OXCT1: variants seen among roughly 807,000 people sequenced by gnomAD.
OXCT1 encodes the protein 3-oxoacid CoA-transferase 1, also known as succinyl-CoA:3-ketoacid coenzyme A transferase 1, mitochondrial.
In OXCT1, 27 loss-of-function variants were observed where a neutral mutation model predicts 69.6. That is an observed-to-expected ratio of 0.39 (90% CI 0.29 to 0.54). OXCT1 has a LOEUF of 0.54. Ranked by LOEUF, OXCT1 falls within the 20% of genes least tolerant of loss-of-function variation. The pLI, the probability that OXCT1 is intolerant of heterozygous loss-of-function variation, is 0.72. For missense variants in OXCT1, 437 were observed against 650.2 expected (o/e 0.67, Z 3.57); for synonymous variants, 202 against 217.8 (o/e 0.93, Z 0.64).
intron 13 of OXCT1, among the ~76,000 whole-genome samples, chr5:41,791,142 G>A (rs1745896238): frequency 6.6e-6 from 1 of 152,154 alleles, no homozygotes; most frequent in African/African-American, 2.4e-5. Context: ...ACTTGATTCT[G>A]AAGCTGCCCT....
At chr5:41,753,521 G>A (rs1743914256) in intron 14 of OXCT1, among the ~76,000 whole-genome samples, 1 of 151,944 alleles carries the variant, frequency 6.6e-6, no homozygotes, top group South Asian at 2.1e-4. Flanking sequence ...AGATTCAAAC[G>A]GCAACACCCT....
rs114074266 is a variant in OXCT1 at position 41,812,156 on chromosome 5, G to T, written c.733-4718C>A. On this transcript the variant is annotated intron_variant, in intron 7 of 16. Transcript: ENST00000196371. ...CTAACGAATAAGAATAAATTGCTTGGTAAAGTAGAAATGACAGAAATTTTG... is the reference window on the plus strand; with the variant it reads ...CTAACGAATAAGAATAAATTGCTTGTTAAAGTAGAAATGACAGAAATTTTG... Among the ~76,000 whole-genome samples, 889 of 152,108 alleles carry T rather than the reference G, an allele frequency of 5.8e-3. 8 individuals are homozygous for T. Among genetic ancestry groups the T allele is most frequent in the African/African-American group, 0.02 (847 of 41,532 alleles).
chr5:41,737,136 A>G (rs1742924217), intron 16 of OXCT1, among the ~76,000 whole-genome samples: 1 of 152,208 alleles, frequency 6.6e-6, no homozygotes, highest in South Asian at 2.1e-4. Flanking sequence ...TCAGATGCTC[A>G]AAAGCTAGTC....
chr5:41,758,969 C>T (rs1244913937), intron 14 of OXCT1, among the ~76,000 whole-genome samples: 1 of 149,284 alleles, frequency 6.7e-6, no homozygotes, highest in Non-Finnish European at 1.5e-5. Context: ...GAGTCTAATG[C>T]AAAAAGGAAG....
At chr5:41,782,108 C>T (rs1745431910) in intron 13 of OXCT1, among the ~76,000 whole-genome samples, 1 of 148,472 alleles carries the variant, frequency 6.7e-6, no homozygotes. Context: ...ACAATCTTGC[C>T]AGCATCTTTT....
chr5:41,811,229 C>T (rs1314204031), intron 7 of OXCT1, among the ~76,000 whole-genome samples: 1 of 151,748 alleles, frequency 6.6e-6, no homozygotes, highest in Non-Finnish European at 1.5e-5. Context: ...TGAGTAAGAC[C>T]TCACGTTCAA....
intron 13 of OXCT1, among the ~76,000 whole-genome samples, chr5:41,792,526 G>A (rs965776718): frequency 3.9e-5 from 6 of 152,076 alleles, no homozygotes; most frequent in South Asian, 2.1e-4. Flanking sequence ...CTACTACCCC[G>A]TATGGCCCTT....
chr5:41,746,577 A>T (rs572203941), intron 15 of OXCT1, among the ~76,000 whole-genome samples: 1 of 152,212 alleles, frequency 6.6e-6, no homozygotes, highest in African/African-American at 2.4e-5. Flanking sequence ...CCAGACGTAG[A>T]TGCTCTTCTC....
intron 13 of OXCT1, among the ~76,000 whole-genome samples, chr5:41,767,724 A>G (rs886929444): frequency 2.7e-4 from 22 of 82,520 alleles, no homozygotes; most frequent in South Asian, 8.9e-4. Flanking sequence ...ATGTGTGTGT[A>G]TATATATATA....
chr5:41,805,778 C>G (rs1746650011), intron 8 of OXCT1, 97 bp from the exon 9 acceptor site: 2 of 803,186 alleles, frequency 2.5e-6, no homozygotes, highest in Admixed American at 3.7e-5. Flanking sequence ...GATGAGCTCT[C>G]TCCCATTGTT....
At chr5:41,855,505 A>G (rs910822442) in intron 3 of OXCT1, among the ~76,000 whole-genome samples, 2 of 152,144 alleles carry the variant, frequency 1.3e-5, no homozygotes, top group African/African-American at 4.8e-5. Flanking sequence ...TTTTATTTAC[A>G]ATCTCTCCCT....
chr5:41,739,651 G>T, intron 15 of OXCT1, 160 bp from the exon 16 acceptor site: 1 of 609,942 alleles, frequency 1.6e-6, no homozygotes, highest in Non-Finnish European at 3.0e-6. Context: ...GGATCACAAG[G>T]TCAGGAGATC....
chr5:41,742,885 G>A (rs374188747), intron 15 of OXCT1, among the ~76,000 whole-genome samples: 5 of 152,012 alleles, frequency 3.3e-5, no homozygotes, highest in East Asian at 1.9e-4. Flanking sequence ...TCATTGATGG[G>A]CATTTGGGTT....
chr5:41,830,034 T>C (rs1237088323), intron 7 of OXCT1, among the ~76,000 whole-genome samples: 1 of 152,222 alleles, frequency 6.6e-6, no homozygotes, highest in Non-Finnish European at 1.5e-5. Flanking sequence ...TATACCTGGC[T>C]AAATATGTGG....
rs368390833 is a variant in OXCT1, at chr5:41,870,266, TC to T, written c.78+14del. Reference sequence around the variant, plus strand: ...TTCTTCCTGCCCATGGCCTTCCTCTTCCCCCGCACTTTACCTTGTACCAGGT... The same window carrying T: ...TTCTTCCTGCCCATGGCCTTCCTCTTCCCCGCACTTTACCTTGTACCAGGT... On this transcript the variant is annotated intron_variant, in intron 1 of 16. Coordinates refer to ENST00000196371, the MANE Select transcript of OXCT1 (RefSeq NM_000436.4). This position sits in a 1 kb window ranked among gnomAD's most constrained non-coding sequence, Gnocchi z 4.2. 1 of 1,608,690 alleles carries T rather than the reference TC, an allele frequency of 6.2e-7. No individual in the cohort carries two copies. The highest frequency in any genetic ancestry group is 1.3e-5 in the African/African-American group (1 of 74,902).
intron 13 of OXCT1, among the ~76,000 whole-genome samples, chr5:41,791,269 A>G (rs1362269083): frequency 6.6e-6 from 1 of 152,222 alleles, no homozygotes; most frequent in Non-Finnish European, 1.5e-5. Flanking sequence ...ACCAACTTCC[A>G]TTACCAAAAC....
intron 14 of OXCT1, among the ~76,000 whole-genome samples, chr5:41,757,554 C>T (rs1434307166): frequency 6.6e-6 from 1 of 152,008 alleles, no homozygotes; most frequent in East Asian, 1.9e-4. Context: ...ATATCAAGTC[C>T]TCAGTAAATA....
chr5:41,739,602 A>C lies in OXCT1; in HGVS notation c.1420-111T>G. 3.8e-6 allele frequency: 3 copies of C among 783,400 alleles called. No individual in the cohort carries two copies. The South Asian group carries it at 4.2e-5, about 11-fold the overall frequency. 48.5% of individuals were successfully genotyped at this position (783,400 alleles called of 1,614,324 possible). On this transcript the variant is annotated intron_variant, in intron 15 of 16. Coordinates refer to ENST00000196371, the MANE Select transcript of OXCT1 (RefSeq NM_000436.4). ...TCGACGAGGTCGGGTGTGGTGGCTC[A>C]GGCCTATAATCCCAGCATTTTGGTA... is the stretch of plus-strand genomic sequence containing the variant.
chr5:41,757,706 C>G (rs1483422497), intron 14 of OXCT1, among the ~76,000 whole-genome samples: 1 of 152,052 alleles, frequency 6.6e-6, no homozygotes, highest in Non-Finnish European at 1.5e-5. Flanking sequence ...ATTCATAAAA[C>G]ATTGGCTCAT....
Sources: gnomAD v4.1 joint callset for allele counts (sites outside exome capture counted in the v4.1 genomes callset) on GRCh38, gnomAD v4.1.1 for gene constraint, Gnocchi (gnomAD v3.1) non-coding constraint, MANE v1.5 for transcripts, NCBI Gene and HGNC (gene_info 2026-07-23, HGNC 2026-07-21) for gene names.